Variants in RTN1 observed in about 807,000 individuals in gnomAD.
RTN1 encodes the protein reticulon 1, also known as reticulon-1.
Under a neutral mutation model 65.5 loss-of-function variants are expected in RTN1, and 25 were observed. That is an observed-to-expected ratio of 0.38 (90% CI 0.28 to 0.53). The LOEUF (loss-of-function observed/expected upper bound fraction) is 0.53. Ranked by LOEUF, RTN1 falls within the 20% of genes least tolerant of loss-of-function variation. The probability of loss-of-function intolerance (pLI) is 0.79; values close to 1 mark genes in which losing one functional copy is unlikely to be tolerated. For synonymous variants in RTN1, 471 were observed against 447.6 expected, an observed-to-expected ratio of 1.05 and a Z score of -0.66; for missense variants, 983 against 1,025.4, an observed-to-expected ratio of 0.96 and a Z score of 0.57.
At chr14:59,799,714 C>T (rs1176467023) in intron 1 of RTN1, among the ~76,000 whole-genome samples, 1 of 152,174 alleles carries the variant, frequency 6.6e-6, no homozygotes, top group East Asian at 1.9e-4. Context: ...CATAGGCATT[C>T]AGGTCGTGAC....
intron 3 of RTN1, among the ~76,000 whole-genome samples, chr14:59,619,923 C>T (rs745967526): frequency 3.3e-5 from 5 of 151,668 alleles, no homozygotes; most frequent in African/African-American, 4.8e-5. Flanking sequence ...GTAGTGGGGA[C>T]GGAAGCCTTA....
At chr14:59,722,875 G>A (rs989760055) in intron 3 of RTN1, among the ~76,000 whole-genome samples, 9 of 150,522 alleles carry the variant, frequency 6.0e-5, no homozygotes, top group Non-Finnish European at 8.8e-5. Flanking sequence ...AAAGCTCACT[G>A]CAGGCCCGAC....
chr14:59,609,328 C>CT lies in RTN1; in HGVS notation c.1766-1837dup, dbSNP rs747783278. Among the ~76,000 whole-genome samples, 1,371 of 141,658 alleles carry CT rather than the reference C, an allele frequency of 9.7e-3. 20 individuals are homozygous for CT. Among genetic ancestry groups the CT allele is most frequent in the East Asian group, 0.055 (274 of 4,948 alleles). 92.9% of individuals were successfully genotyped at this position (141,658 alleles called of 152,430 possible). Reference sequence around the variant, plus strand: ...TTCATTCATTTGGCCTAATCCTTTTCTTTTTTTTTTTTTGATGCAAAGATG... The same window carrying CT: ...TTCATTCATTTGGCCTAATCCTTTTCTTTTTTTTTTTTTTGATGCAAAGATG... On this transcript the variant is annotated intron_variant, in intron 3 of 8. Coordinates refer to ENST00000267484, the MANE Select transcript of RTN1 (RefSeq NM_021136.3).
At chr14:59,744,188 A>G (rs1311032617) in intron 2 of RTN1, among the ~76,000 whole-genome samples, 1 of 152,168 alleles carries the variant, frequency 6.6e-6, no homozygotes, top group African/African-American at 2.4e-5. Context: ...GTTTAGAGCA[A>G]TCGCTCCTCC....
intron 1 of RTN1, among the ~76,000 whole-genome samples, chr14:59,797,084 G>T (rs944450548): frequency 1.3e-5 from 2 of 152,118 alleles, no homozygotes; most frequent in African/African-American, 4.8e-5. Context: ...TTCCATCATT[G>T]TTGGAATTAA....
At chr14:59,648,374 A>T (rs574582553) in intron 3 of RTN1, among the ~76,000 whole-genome samples, 1 of 152,336 alleles carries the variant, frequency 6.6e-6, no homozygotes, top group Admixed American at 6.5e-5. Context: ...AAGAAAGAAG[A>T]GCTGGTACCA....
chr14:59,829,539 T>C lies in RTN1; in HGVS notation c.241+40851A>G, dbSNP rs938053777. ...TTATTTTTGCAACTTCCTGTAAATC[T>C]ATACTTACTGCACATTAAAAATATA... is the stretch of plus-strand genomic sequence containing the variant. On this transcript the variant is annotated intron_variant, in intron 1 of 8. Coordinates refer to ENST00000267484, the MANE Select transcript of RTN1 (RefSeq NM_021136.3). This position sits in a 1 kb window ranked among gnomAD's most constrained non-coding sequence, Gnocchi z 4.3. Among the ~76,000 whole-genome samples the C allele has an allele frequency of 6.6e-6, 1 of 152,272 alleles. No individual in the cohort carries two copies. Among genetic ancestry groups the C allele is most frequent in the Non-Finnish European group, 1.5e-5 (1 of 68,052 alleles).
intron 3 of RTN1, among the ~76,000 whole-genome samples, chr14:59,703,648 T>C (rs1884228365): frequency 6.6e-6 from 1 of 152,234 alleles, no homozygotes; most frequent in African/African-American, 2.4e-5. Context: ...ATTGTTCTTG[T>C]CTTTCTCCCC....
At chr14:59,678,128 C>A (rs914525342) in intron 3 of RTN1, among the ~76,000 whole-genome samples, 25 of 152,102 alleles carry the variant, frequency 1.6e-4, no homozygotes, top group Middle Eastern at 3.2e-3. Flanking sequence ...GTCATATAAA[C>A]CCTGGAAAAC....
At chr14:59,716,762 C>G (rs1333091925) in intron 3 of RTN1, among the ~76,000 whole-genome samples, 1 of 151,374 alleles carries the variant, frequency 6.6e-6, no homozygotes, top group African/African-American at 2.4e-5. Flanking sequence ...TCAAGACTAT[C>G]CTGGCTAACA....
chr14:59,791,187 G>A (rs1886341146), intron 1 of RTN1, among the ~76,000 whole-genome samples: 1 of 151,830 alleles, frequency 6.6e-6, no homozygotes, highest in African/African-American at 2.4e-5. Flanking sequence ...CCTCTCTTTT[G>A]TTTCCCTTCT....
At chr14:59,758,446 C>T (rs986857689) in intron 1 of RTN1, among the ~76,000 whole-genome samples, 16 of 152,190 alleles carry the variant, frequency 1.1e-4, no homozygotes, top group African/African-American at 3.9e-4. Context: ...GCACAAAAAA[C>T]ACACCTGCTC....
At chr14:59,857,246 T>G (rs1394475508) in intron 1 of RTN1, among the ~76,000 whole-genome samples, 1 of 152,178 alleles carries the variant, frequency 6.6e-6, no homozygotes, top group Non-Finnish European at 1.5e-5. Flanking sequence ...TCCCTGGTCC[T>G]CTGTCCTTTC....
chr14:59,753,848 C>T (rs1226457123), intron 1 of RTN1, among the ~76,000 whole-genome samples: 1 of 152,212 alleles, frequency 6.6e-6, no homozygotes, highest in Admixed American at 6.5e-5. Context: ...CTAGACTAGA[C>T]ATTGCCACAT....
chr14:59,756,909 G>A (rs1280285270), intron 1 of RTN1, among the ~76,000 whole-genome samples: 1 of 146,104 alleles, frequency 6.8e-6, no homozygotes, highest in Non-Finnish European at 1.5e-5. Context: ...CTGCAGCCTT[G>A]ACCTCCTGGG....
chr14:59,716,082 T>A (rs2139461956), intron 3 of RTN1, among the ~76,000 whole-genome samples: 1 of 152,312 alleles, frequency 6.6e-6, no homozygotes, highest in South Asian at 2.1e-4. Flanking sequence ...TGCTAACACT[T>A]GAACTAGCTG....
At chr14:59,750,404 T>A (rs1396175924) in intron 1 of RTN1, among the ~76,000 whole-genome samples, 2 of 52,728 alleles carry the variant, frequency 3.8e-5, no homozygotes, top group Non-Finnish European at 6.3e-5. Flanking sequence ...ATAATATATA[T>A]ATTATATGTA....
chr14:59,734,448 G>T (rs577485258), intron 2 of RTN1, among the ~76,000 whole-genome samples: 4 of 152,242 alleles, frequency 2.6e-5, no homozygotes, highest in African/African-American at 7.2e-5. Context: ...TGAACTAAAG[G>T]AGCATGTGGT....
At chr14:59,668,797 T>C (rs924719962) in intron 3 of RTN1, among the ~76,000 whole-genome samples, 2 of 152,090 alleles carry the variant, frequency 1.3e-5, no homozygotes, top group Non-Finnish European at 2.9e-5. Context: ...GGGCAAAGGA[T>C]ATGAACAGAC....
Sources: allele counts gnomAD v4.1 joint callset (sites outside exome capture counted in the v4.1 genomes callset), GRCh38; gene constraint gnomAD v4.1.1; non-coding constraint Gnocchi (gnomAD v3.1); transcripts MANE v1.5; gene names NCBI Gene and HGNC (gene_info 2026-07-23, HGNC 2026-07-21).